PRPSAP2: variants seen among roughly 807,000 people sequenced by gnomAD.
PRPSAP2 encodes the protein phosphoribosyl pyrophosphate synthase-associated protein 2.
PRPSAP2 carries 24 observed loss-of-function variants against 40.6 expected under a neutral mutation model. That is an observed-to-expected ratio of 0.59 (90% CI 0.43 to 0.83). The LOEUF (loss-of-function observed/expected upper bound fraction) is 0.83. Among genes scored for constraint, PRPSAP2 ranks in the 40% least tolerant of loss-of-function variants. The probability of loss-of-function intolerance (pLI) is 0.00; values close to 1 mark genes in which losing one functional copy is unlikely to be tolerated. For missense variants in PRPSAP2, 292 were observed against 465.6 expected, an observed-to-expected ratio of 0.63 and a Z score of 3.43; for synonymous variants, 149 against 164.7, an observed-to-expected ratio of 0.90 and a Z score of 0.73.
intron 7 of PRPSAP2, among the ~76,000 whole-genome samples, chr17:18,888,784 G>C (rs113709108): frequency 4.1e-5 from 1 of 24,680 alleles, no homozygotes; most frequent in African/African-American, 1.7e-4. Context: ...CGGACGGGGC[G>C]GCTGGCCGGG....
intron 6 of PRPSAP2, among the ~76,000 whole-genome samples, chr17:18,881,396 C>T (rs149682126): frequency 6.6e-6 from 1 of 151,884 alleles, no homozygotes; most frequent in African/African-American, 2.4e-5. Context: ...TGCCACCATG[C>T]CTGGCTAATT....
At chr17:18,917,546 G>GTATTATTATTATTATTAT (rs763129113) in intron 9 of PRPSAP2, 2 of 48,964 alleles carry the variant, frequency 4.1e-5, no homozygotes, top group East Asian at 6.7e-4. Flanking sequence ...GGTAATTTTG[G>GTATTATTATTATTATTAT]TATTATTATT....
intron 8 of PRPSAP2, among the ~76,000 whole-genome samples, chr17:18,901,968 G>A (rs1481264426): frequency 1.3e-5 from 2 of 151,916 alleles, no homozygotes; most frequent in African/African-American, 4.8e-5. Flanking sequence ...TATTTTTGTA[G>A]CAACGGGATC....
intron 2 of PRPSAP2, 21 bp downstream of exon 2, chr17:18,865,585 T>C (rs917853685): frequency 1.6e-5 from 3 of 192,862 alleles, no homozygotes; most frequent in Non-Finnish European, 3.1e-5. Context: ...CATTTCTTCT[T>C]AGTGGTTGTG....
chr17:18,887,322 TCTC>T (rs1282927652), intron 7 of PRPSAP2, among the ~76,000 whole-genome samples: 1 of 151,722 alleles, frequency 6.6e-6, no homozygotes, highest in Non-Finnish European at 1.5e-5. Context: ...TTCAAACAAT[TCTC>T]CTGGGTTCAA....
At chr17:18,886,637 T>A (rs1318882478) in intron 7 of PRPSAP2, among the ~76,000 whole-genome samples, 1 of 151,580 alleles carries the variant, frequency 6.6e-6, no homozygotes, top group African/African-American at 2.4e-5. Context: ...GGATTACAGG[T>A]GTGAGCCACC....
chr17:18,880,862 C>G (rs1004076027), intron 6 of PRPSAP2, among the ~76,000 whole-genome samples: 1 of 151,838 alleles, frequency 6.6e-6, no homozygotes, highest in Non-Finnish European at 1.5e-5. Context: ...GAGATGGAGT[C>G]TCGCTCTGTC....
At chr17:18,881,329 C>G (rs977447104) in intron 6 of PRPSAP2, among the ~76,000 whole-genome samples, 1 of 151,760 alleles carries the variant, frequency 6.6e-6, no homozygotes, top group Non-Finnish European at 1.5e-5. Flanking sequence ...TCCGCCCCCC[C>G]AGGTTCAAGC....
chr17:18,861,479 GAA>G (rs1186846128), intron 1 of PRPSAP2: 1 of 137,974 alleles, frequency 7.2e-6, no homozygotes, highest in African/African-American at 2.7e-5. Context: ...AAAAAAAAAA[GAA>G]AAAAAAGAAA....
intron 9 of PRPSAP2, among the ~76,000 whole-genome samples, chr17:18,920,198 C>T (rs1276772868): frequency 1.3e-5 from 2 of 152,196 alleles, no homozygotes; most frequent in Non-Finnish European, 2.9e-5. Context: ...CCTGTAAGCA[C>T]ATGGGCTGTG....
In PRPSAP2 at chr17:18,931,043, A is replaced by G. The variant is rs1251436338; in HGVS notation, c.*345A>G. The G allele has an allele frequency of 2.3e-5, 4 of 170,772 alleles. No individual in the cohort carries two copies. The highest frequency in any genetic ancestry group is 5.0e-5 in the Non-Finnish European group (4 of 79,724). 10.6% of individuals were successfully genotyped at this position (170,772 alleles called of 1,614,324 possible). ...CAAGTGCTTAAAAAGTTAATAAAAT[A>G]AAATGATCTGTATGATACCTGCAAT... On this transcript the variant is annotated 3_prime_UTR_variant, in exon 12 of 12. Coordinates refer to ENST00000268835, the MANE Select transcript of PRPSAP2 (RefSeq NM_002767.4).
chr17:18,912,130 C>T (rs986005597), intron 9 of PRPSAP2, among the ~76,000 whole-genome samples: 4 of 151,316 alleles, frequency 2.6e-5, no homozygotes, highest in African/African-American at 2.4e-5. Flanking sequence ...TGTGGTGAGC[C>T]GAGATCGCGC....
At chr17:18,886,479 TC>T (rs536311015) in intron 7 of PRPSAP2, among the ~76,000 whole-genome samples, 4 of 151,986 alleles carry the variant, frequency 2.6e-5, no homozygotes, top group African/African-American at 9.6e-5. Context: ...GGCCTCAGCC[TC>T]CCCAGTAGCT....
At chr17:18,904,090 T>C (rs1004832092) in intron 8 of PRPSAP2, among the ~76,000 whole-genome samples, 8 of 152,330 alleles carry the variant, frequency 5.3e-5, no homozygotes, top group Middle Eastern at 3.4e-3. Context: ...ACTTGTGCCT[T>C]AGCCAGTCTT....
intron 8 of PRPSAP2, among the ~76,000 whole-genome samples, chr17:18,909,259 T>TTTTTTA (rs2040803880): frequency 9.2e-6 from 1 of 109,100 alleles, no homozygotes; most frequent in African/African-American, 3.4e-5. Context: ...TTTTTTTTTT[T>TTTTTTA]GAGATGGAGT....
Position 18,928,975 on chromosome 17 carries a change from T to C in PRPSAP2, c.951+18T>C, listed in dbSNP as rs1411580472. 6.2e-7 allele frequency: 1 copy of C among 1,609,336 alleles called. No homozygotes were observed. The highest frequency in any genetic ancestry group is 8.5e-7 in the Non-Finnish European group (1 of 1,176,910). On this transcript the variant is annotated intron_variant, in intron 11 of 11. Transcript: ENST00000268835. ...TTGATGAGGTAACAGGGTCTGGGTG[T>C]GTGTGGGTACAGCTGCCTGGGCTTT...
chr17:18,902,820 G>C (rs1202929233), intron 8 of PRPSAP2, among the ~76,000 whole-genome samples: 2 of 138,442 alleles, frequency 1.4e-5, no homozygotes, highest in African/African-American at 5.5e-5. Flanking sequence ...AGTTAGTCAG[G>C]ATTGCGCCAT....
chr17:18,869,094 G>T (rs2037649431), intron 4 of PRPSAP2, among the ~76,000 whole-genome samples: 1 of 152,152 alleles, frequency 6.6e-6, no homozygotes, highest in African/African-American at 2.4e-5. Flanking sequence ...GTCTAGGAGG[G>T]AAGGTGAAAG....
intron 9 of PRPSAP2, among the ~76,000 whole-genome samples, chr17:18,922,668 A>ATTTTT (rs57263191): frequency 2.4e-4 from 22 of 89,824 alleles, no homozygotes; most frequent in East Asian, 6.7e-4. Flanking sequence ...TATATATATA[A>ATTTTT]TTTTTTTTTT....
Sources: allele counts gnomAD v4.1 joint callset (sites outside exome capture counted in the v4.1 genomes callset), GRCh38; gene constraint gnomAD v4.1.1; transcripts MANE v1.5; gene names NCBI Gene and HGNC (gene_info 2026-07-23, HGNC 2026-07-21).